Variants in GALNT13 observed in about 807,000 individuals in gnomAD.
GALNT13 encodes UDP-GalNAc:polypeptide N-acetylgalactosaminyltransferase 13.
In GALNT13, 28 loss-of-function variants were observed where a neutral mutation model predicts 64.2. The ratio of observed to expected loss-of-function variants is 0.44; its 90% CI spans 0.32 to 0.60. The LOEUF (loss-of-function observed/expected upper bound fraction) is 0.60, where lower values mean the gene tolerates loss of function less well. Among genes scored for constraint, GALNT13 ranks in the 20% least tolerant of loss-of-function variants. GALNT13 has a pLI of 0.05. For synonymous variants in GALNT13, 214 were observed against 224.6 expected, an observed-to-expected ratio of 0.95 and a Z score of 0.42; for missense variants, 577 against 669.8, an observed-to-expected ratio of 0.86 and a Z score of 1.53.
At position 154,025,151 on chromosome 2, in the gene GALNT13, TGAG is replaced by T. The variant is rs58564154; in HGVS notation, c.142+80517_142+80519del. ...GCTACTCGGGGGTCATGGACCCACT[TGAG>T]GAGGCAGTCTGCCCATTCTCAGATC... On this transcript the variant is annotated intron_variant, in intron 3 of 12. Coordinates refer to ENST00000392825, the MANE Select transcript of GALNT13 (RefSeq NM_052917.4). Among the ~76,000 whole-genome samples, 95 of 152,246 alleles carry T rather than the reference TGAG, an allele frequency of 6.2e-4. 2 individuals carry two copies. In the East Asian group the frequency reaches 0.017, roughly 28 times the overall value.
At chr2:153,595,497 A>C in the GALNT13 span, among the ~76,000 whole-genome samples, 1 of 151,998 alleles carries the variant, frequency 6.6e-6, no homozygotes, top group Non-Finnish European at 1.5e-5. Context: ...GATCTTTAAA[A>C]ATTTGTTAAA....
chr2:153,560,020 T>C, the GALNT13 span, among the ~76,000 whole-genome samples: 3 of 152,090 alleles, frequency 2.0e-5, no homozygotes, highest in Admixed American at 6.6e-5. Flanking sequence ...TGAAGCTCAA[T>C]TTCATATAAT....
chr2:153,517,189 T>G, the GALNT13 span, among the ~76,000 whole-genome samples: 1 of 152,142 alleles, frequency 6.6e-6, no homozygotes, highest in Non-Finnish European at 1.5e-5. Flanking sequence ...ATAGTACATA[T>G]ACTCTCCCTG....
the GALNT13 span, among the ~76,000 whole-genome samples, chr2:153,554,807 G>T: frequency 6.6e-6 from 1 of 152,074 alleles, no homozygotes; most frequent in African/African-American, 2.4e-5. Flanking sequence ...ATTTAAGTCG[G>T]ATCCTCCTAA....
At chr2:153,827,639 A>C in the GALNT13 span, among the ~76,000 whole-genome samples, 1 of 151,938 alleles carries the variant, frequency 6.6e-6, no homozygotes. Context: ...AAAAAAAAAA[A>C]AAAACGATTT....
chr2:153,380,089 C>T, the GALNT13 span, among the ~76,000 whole-genome samples: 1 of 151,984 alleles, frequency 6.6e-6, no homozygotes, highest in South Asian at 2.1e-4. Context: ...AGAGTGATGC[C>T]ACAAAGGAGC....
At chr2:153,352,125 G>T in the GALNT13 span, among the ~76,000 whole-genome samples, 1 of 152,092 alleles carries the variant, frequency 6.6e-6, no homozygotes, top group Admixed American at 6.6e-5. Context: ...ATATTTGTTT[G>T]TATTAGCGTT....
At chr2:153,357,980 C>T in the GALNT13 span, among the ~76,000 whole-genome samples, 6 of 152,120 alleles carry the variant, frequency 3.9e-5, no homozygotes, top group African/African-American at 1.4e-4. Context: ...CATGATGGAA[C>T]TACATACTCA....
chr2:153,608,422 G>T, the GALNT13 span, among the ~76,000 whole-genome samples: 2 of 152,022 alleles, frequency 1.3e-5, no homozygotes, highest in Non-Finnish European at 2.9e-5. Context: ...AGATTAAAAA[G>T]AGAAATATTT....
the GALNT13 span, among the ~76,000 whole-genome samples, chr2:153,312,869 C>G: frequency 6.6e-6 from 1 of 152,092 alleles, no homozygotes; most frequent in South Asian, 2.1e-4. Flanking sequence ...TATCCCAAAC[C>G]CAAGTCTGAG....
the GALNT13 span, among the ~76,000 whole-genome samples, chr2:153,263,234 A>G: frequency 6.6e-5 from 10 of 152,008 alleles, no homozygotes; most frequent in Non-Finnish European, 1.3e-4. Flanking sequence ...GAATACAGCT[A>G]ACAAGGGAAG....
At chr2:153,408,717 AG>A in the GALNT13 span, among the ~76,000 whole-genome samples, 1 of 151,600 alleles carries the variant, frequency 6.6e-6, no homozygotes, top group South Asian at 2.1e-4. Flanking sequence ...GACAAATGCT[AG>A]GGAAACTCAT....
At chr2:153,663,768 A>C in the GALNT13 span, among the ~76,000 whole-genome samples, 1 of 152,278 alleles carries the variant, frequency 6.6e-6, no homozygotes, top group Admixed American at 6.5e-5. Flanking sequence ...AGAGCTGTCT[A>C]TCTGGAGTAG....
chr2:153,599,903 A>C, the GALNT13 span, among the ~76,000 whole-genome samples: 2 of 151,970 alleles, frequency 1.3e-5, no homozygotes, highest in Non-Finnish European at 2.9e-5. Flanking sequence ...TAAACCACCA[A>C]AGCTGTGTCA....
chr2:153,629,204 A>AT, the GALNT13 span, among the ~76,000 whole-genome samples: 46,890 of 148,962 alleles, frequency 0.31, 8,398 homozygotes, highest in African/African-American at 0.49. Context: ...CCCCTTTATC[A>AT]TTTTTTTTTT....
chr2:154,267,715 C>A (rs1573986148), intron 8 of GALNT13, among the ~76,000 whole-genome samples: 1 of 151,660 alleles, frequency 6.6e-6, no homozygotes, highest in Non-Finnish European at 1.5e-5. Context: ...AAGGCACTGA[C>A]AGAAAAAAAG....
the GALNT13 span, among the ~76,000 whole-genome samples, chr2:153,695,614 A>G: frequency 1.3e-5 from 2 of 152,202 alleles, no homozygotes; most frequent in Non-Finnish European, 2.9e-5. Context: ...CTTTATGACC[A>G]ATTTCACTTT....
chr2:153,580,784 A>G, the GALNT13 span, among the ~76,000 whole-genome samples: 14 of 152,326 alleles, frequency 9.2e-5, 1 homozygote, highest in Admixed American at 9.2e-4. Flanking sequence ...TGTAATGTCT[A>G]AAGTGAAATG....
chr2:154,008,518 T>G, intron 3 of GALNT13, among the ~76,000 whole-genome samples: 1 of 152,086 alleles, frequency 6.6e-6, no homozygotes, highest in Non-Finnish European at 1.5e-5. Context: ...GTAATACAGA[T>G]TATTTAATCA....
Sources: allele counts gnomAD v4.1 joint callset (sites outside exome capture counted in the v4.1 genomes callset), GRCh38; gene constraint gnomAD v4.1.1; transcripts MANE v1.5; gene names NCBI Gene and HGNC (gene_info 2026-07-23, HGNC 2026-07-21).